The following LGI4 variants were observed in gnomAD, a reference collection of about 807,000 sequenced individuals.
LGI4 encodes leucine-rich repeat LGI family member 4.
A neutral mutation model predicts 48.3 loss-of-function variants in LGI4; 36 were observed. The observed-to-expected ratio is 0.75, with a 90% confidence interval of 0.57 to 0.98. The LOEUF (loss-of-function observed/expected upper bound fraction) is 0.98. LGI4 is among the 50% of genes least tolerant of loss of function. LGI4 has a pLI of 0.00. For synonymous variants in LGI4, 355 were observed against 331.6 expected (o/e 1.07, Z -0.77); for missense variants, 701 against 732.1 (o/e 0.96, Z 0.49).
intron 6 of LGI4, among the ~76,000 whole-genome samples, chr19:35,127,754 T>G (rs1006622723): frequency 3.9e-5 from 6 of 152,194 alleles, no homozygotes; most frequent in African/African-American, 1.2e-4. Flanking sequence ...CTGGATTAAT[T>G]CATTTAACTT....
chr19:35,129,879 G>A (rs917207287), intron 6 of LGI4, among the ~76,000 whole-genome samples: 1 of 152,090 alleles, frequency 6.6e-6, no homozygotes, highest in African/African-American at 2.4e-5. Context: ...GGAATGTCTC[G>A]GTGTAAAACC....
chr19:35,128,229 C>T (rs946449517), intron 6 of LGI4, among the ~76,000 whole-genome samples: 2 of 152,214 alleles, frequency 1.3e-5, no homozygotes, highest in Non-Finnish European at 2.9e-5. Context: ...CTTTCATTGT[C>T]ACTGGGGCAC....
chr19:35,133,389 TC>T, intron 3 of LGI4: 1 of 1,228,758 alleles, frequency 8.1e-7, no homozygotes, highest in Non-Finnish European at 1.0e-6. Flanking sequence ...TTCCTGGGTT[TC>T]TATGAGTCAG....
Position 35,131,588 on chromosome 19 carries a change from C to T in LGI4, c.459-33G>A, listed in dbSNP as rs1688001. ...AAGAGGCCAGGGAGGGGCTGCGACCCGGCTTCCACGCCCTGGGGGCCATGC... is the reference window on the plus strand; with the variant it reads ...AAGAGGCCAGGGAGGGGCTGCGACCTGGCTTCCACGCCCTGGGGGCCATGC... On this transcript the variant is annotated intron_variant, in intron 5 of 8. Transcript: ENST00000310123. 0.36 allele frequency: 551,686 copies of T among 1,539,642 alleles called. 101,563 individuals are homozygous for T. Among genetic ancestry groups the T allele is most frequent in the South Asian group, 0.53 (43,686 of 82,862 alleles).
At chr19:35,126,147 A>AG in intron 8 of LGI4, 123 bp downstream of exon 8, 2 of 1,070,946 alleles carry the variant, frequency 1.9e-6, no homozygotes, top group Non-Finnish European at 2.7e-6. Flanking sequence ...TCTTGGCATC[A>AG]GTGTGGGGTG....
intron 2 of LGI4, 93 bp from the exon 3 acceptor site, chr19:35,133,857 G>A (rs564758757): frequency 1.8e-5 from 25 of 1,406,294 alleles, no homozygotes; most frequent in Non-Finnish European, 1.7e-5. Flanking sequence ...GGTGGGCATG[G>A]GCACGCAGGT....
At position 35,126,842 on chromosome 19, in the gene LGI4, A is replaced by AG. The variant is rs771658999; in HGVS notation, c.793+10dup. 6.2e-7 allele frequency: 1 copy of AG among 1,607,546 alleles called. No individual in the cohort carries two copies. Among genetic ancestry groups the AG allele is most frequent in the South Asian group, 1.1e-5 (1 of 90,870 alleles). On this transcript the variant is annotated intron_variant, in intron 7 of 8. Transcript: ENST00000310123. ...CTGCTGGACAGGCAGAAGGACGGGG[A>AG]GGGGGCTCACCGGGCAGCTCTTCCT...
chr19:35,125,312 G>A lies in LGI4; in HGVS notation c.1495C>T (p.Leu499=), dbSNP rs1042477573. 8.1e-6 allele frequency: 13 copies of A among 1,611,704 alleles called. No individual in the cohort carries two copies. The highest frequency in any genetic ancestry group is 2.2e-5 in the East Asian group (1 of 44,816). ...EPLQELGPPA[L]VAPRAFAHIT... ...TGGGCAAAGGCACGGGGGGCCACCA[G>A]GGCCGGAGGCCCCAGCTCCTGCAGT... Residue 499 remains leucine, a synonymous_variant, in exon 9 of 9, where the codon CTG becomes TTG. Coordinates refer to ENST00000310123, the MANE Select transcript of LGI4 (RefSeq NM_139284.3).
intron 1 of LGI4, 43 bp downstream of exon 1, chr19:35,134,468 C>A (rs201940723): frequency 6.4e-7 from 1 of 1,552,580 alleles, no homozygotes; most frequent in Non-Finnish European, 8.7e-7. Context: ...GGTCCCAGGA[C>A]TTCCGTCCCC....
In LGI4 at chr19:35,125,274, G is replaced by A. The variant is rs992640903; in HGVS notation, c.1533C>T (p.Ala511=). 12 of 1,602,470 alleles carry A rather than the reference G, an allele frequency of 7.5e-6. No homozygotes were observed. The highest frequency in any genetic ancestry group is 3.3e-4 in the Middle Eastern group (2 of 6,044). The change falls in exon 9 of 9, where the codon GCC becomes GCT. Residue 511 remains alanine, a synonymous_variant. Coordinates refer to ENST00000310123, the MANE Select transcript of LGI4 (RefSeq NM_139284.3). ...APRAFAHITM[A]GRRFLFAACF... ...AAGCAGCAAAGAGGAAGCGTCTGCC[G>A]GCCATAGTGATGTGGGCAAAGGCAC...
chr19:35,131,800 G>T lies in LGI4; in HGVS notation c.447C>A (p.Thr149=), dbSNP rs761896827. The T allele has an allele frequency of 5.8e-6, 9 of 1,564,106 alleles. No individual in the cohort carries two copies. The highest frequency in any genetic ancestry group is 2.4e-5 in the East Asian group (1 of 42,316). ...LPRFLFRGLD[T]LTHVDLRGNP... is the part of the protein sequence containing the mutation. The stretch of plus-strand genomic sequence containing the variant: ...CCCATGAGCCTCACACATGAGTAAG[G>T]GTGTCCAGGCCTCGGAACAGGAATC... The change falls in exon 5 of 9, where the codon ACC becomes ACA. Residue 149 remains threonine (T), a synonymous_variant. Coordinates refer to ENST00000310123, the MANE Select transcript of LGI4 (RefSeq NM_139284.3).
At chr19:35,133,531 A>T (rs1420421931) in intron 3 of LGI4, 162 bp downstream of exon 3, 1 of 1,458,336 alleles carries the variant, frequency 6.9e-7, no homozygotes, top group African/African-American at 1.4e-5. Flanking sequence ...CACCCAAAGC[A>T]TCATCACCAT....
At position 35,134,472 on chromosome 19, in the gene LGI4, C is replaced by T. The variant is rs112839504; in HGVS notation, c.170+39G>A. ...CCAACCTCTGGGGTCCCAGGACTTC[C>T]GTCCCCACCTTCGGGCATGCAGAAG... On this transcript the variant is annotated intron_variant, in intron 1 of 8. Coordinates refer to ENST00000310123, the MANE Select transcript of LGI4 (RefSeq NM_139284.3). 94 of 1,554,146 alleles carry T rather than the reference C, an allele frequency of 6.0e-5. No individual in the cohort carries two copies. The East Asian group carries it at 1.2e-3, about 20-fold the overall frequency.
rs1310756374 is a variant in LGI4 at position 35,124,783 on chromosome 19, A to G, written c.*410T>C. 1 of 164,192 alleles carries G rather than the reference A, an allele frequency of 6.1e-6. No homozygotes were observed. Among genetic ancestry groups the G allele is most frequent in the Non-Finnish European group, 1.3e-5 (1 of 76,552 alleles). The allele number at this position is 164,192 out of a possible 1,614,324, so 10.2% of individuals were successfully genotyped here. On this transcript the variant is annotated 3_prime_UTR_variant, in exon 9 of 9. Transcript: ENST00000310123. The stretch of plus-strand genomic sequence containing the variant: ...TGCGTGGAGTTTAGAATGGGAAAGG[A>G]ATGCCATCAACCCCTCGGTGCTTTC...
At position 35,126,934 on chromosome 19, in the gene LGI4, C is replaced by T; in HGVS notation, c.712G>A (p.Ala238Thr). The T allele has an allele frequency of 1.9e-6, 3 of 1,613,730 alleles. No individual in the cohort carries two copies. Among genetic ancestry groups the T allele is most frequent in the South Asian group, 1.1e-5 (1 of 91,084 alleles). ...SYQGEPHIVL[A>T]QPFAGRCLIL... ...AGGCAGCGGCCGGCGAAGGGCTGTG[C>T]CAGCACAATGTGAGGCTCCCCTTGG... Residue 238 changes from alanine (A) to threonine (T), a missense_variant, in exon 7 of 9, where the codon GCA becomes ACA. By Grantham distance (58) the Ala-to-Thr change is moderately conservative (BLOSUM62 0). Transcript: ENST00000310123.
chr19:35,133,703 G>T lies in LGI4; in HGVS notation c.304C>A (p.Leu102Met), dbSNP rs895829246. The change falls in exon 3 of 9, where the codon CTG becomes ATG. Residue 102 changes from leucine (L) to methionine (M), a missense_variant. By Grantham distance (15) the Leu-to-Met change is conservative. Around this residue, in one of 3 missense-constraint regions of LGI4, gnomAD observed 462 missense variants for 436.4 expected, o/e 1.06. Coordinates refer to ENST00000310123, the MANE Select transcript of LGI4 (RefSeq NM_139284.3). ...EDDAFAGLSH[L>M]QYLFIEDNEI... ...CCTGGCCTCACTCACAGGTACTGCA[G>T]GTGGGACAGGCCCGCAAATGCATCG... The T allele has an allele frequency of 1.9e-6, 3 of 1,605,346 alleles. No individual in the cohort carries two copies. The highest frequency in any genetic ancestry group is 2.3e-5 in the South Asian group (2 of 88,782).
At position 35,126,999 on chromosome 19, in the gene LGI4, G is replaced by T. The variant is rs752887615; in HGVS notation, c.647C>A (p.Thr216Lys). 5.0e-6 allele frequency: 8 copies of T among 1,599,670 alleles called. No homozygotes were observed. Among genetic ancestry groups the T allele is most frequent in the Non-Finnish European group, 6.8e-6 (8 of 1,170,320 alleles). The change falls in exon 7 of 9, where the codon ACG becomes AAG. Residue 216 changes from threonine (T) to lysine (K), a missense_variant. Transcript: ENST00000310123. ...TACGCTCAGTGCCGACTCCCCCACCGTCTGGAACCAGGACAGCTCTGTGGG... is the reference window on the plus strand; with the variant it reads ...TACGCTCAGTGCCGACTCCCCCACCTTCTGGAACCAGGACAGCTCTGTGGG... Reference protein sequence around the residue: ...CRAIELSWFQTVGESALSVEP... With the variant: ...CRAIELSWFQKVGESALSVEP...
rs79829409 is a variant in LGI4, at chr19:35,130,761, G to A, written c.628+625C>T. 1.8e-3 allele frequency among the ~76,000 whole-genome samples: 276 copies of A among 152,258 alleles called. 2 individuals are homozygous for A. The highest frequency in any genetic ancestry group is 6.3e-3 in the African/African-American group (262 of 41,544). Reference sequence around the variant, plus strand: ...TAAACTCCTTCAGGAAGCCCTTCCTGTCCCCCCAGCTCTGTGTGGCCCTGG... The same window carrying A: ...TAAACTCCTTCAGGAAGCCCTTCCTATCCCCCCAGCTCTGTGTGGCCCTGG... On this transcript the variant is annotated intron_variant, in intron 6 of 8. Transcript: ENST00000310123.
intron 6 of LGI4, among the ~76,000 whole-genome samples, chr19:35,128,705 C>G (rs1486088597): frequency 3.3e-5 from 5 of 152,122 alleles, no homozygotes; most frequent in Non-Finnish European, 5.9e-5. Flanking sequence ...GAGTGAGATC[C>G]TGTTTCAAAT....
Sources: allele counts gnomAD v4.1 joint callset (sites outside exome capture counted in the v4.1 genomes callset), GRCh38; gene constraint gnomAD v4.1.1; regional missense constraint gnomAD v4.1.1; transcripts MANE v1.5; gene names NCBI Gene and HGNC (gene_info 2026-07-23, HGNC 2026-07-21).